The following RIN3 variants were observed in gnomAD, a reference collection of about 807,000 sequenced individuals.
RIN3 encodes the protein RAB5 interacting protein 3.
RIN3 carries 54 observed loss-of-function variants against 76.3 expected under a neutral mutation model. The observed-to-expected ratio is 0.71, with a 90% CI of 0.57 to 0.89. The LOEUF is 0.89. Ranked by LOEUF, RIN3 falls within the 40% of genes least tolerant of loss-of-function variation. RIN3 has a pLI of 0.00. For missense variants in RIN3, 1,256 were observed against 1,322.1 expected, an observed-to-expected ratio of 0.95 and a Z score of 0.78; for synonymous variants, 576 against 564.0, an observed-to-expected ratio of 1.02 and a Z score of -0.30.
At position 92,657,506 on chromosome 14, in the gene RIN3, G is replaced by A. The variant is rs144058759; in HGVS notation, c.2027-1655G>A. On this transcript the variant is annotated intron_variant, in intron 6 of 9. Coordinates refer to ENST00000216487, the MANE Select transcript of RIN3 (RefSeq NM_024832.5). ...CTGAGGGCCCCAGACCAGAGAGGAGGTGCCAGGAAGAGATCCTGCGGCTCT... is the reference window on the plus strand; with the variant it reads ...CTGAGGGCCCCAGACCAGAGAGGAGATGCCAGGAAGAGATCCTGCGGCTCT... 9.7e-3 allele frequency among the ~76,000 whole-genome samples: 1,475 copies of A among 152,312 alleles called. 12 individuals carry two copies. Among genetic ancestry groups the A allele is most frequent in the Non-Finnish European group, 0.016 (1,108 of 68,022 alleles).
At position 92,665,400 on chromosome 14, in the gene RIN3, A is replaced by ACAGAGTCTC. The variant is rs1447874123; in HGVS notation, c.2335+5932_2335+5940dup. On this transcript the variant is annotated intron_variant, in intron 7 of 9. Coordinates refer to ENST00000216487, the MANE Select transcript of RIN3 (RefSeq NM_024832.5). ...TTTTTTTTTTTTTTTTTTTTTTGAGACAGAGTCTCGCTCTATCGCCCAGGC... is the reference window on the plus strand; with the variant it reads ...TTTTTTTTTTTTTTTTTTTTTTGAGACAGAGTCTCCAGAGTCTCGCTCTATCGCCCAGGC... 7.8e-5 allele frequency among the ~76,000 whole-genome samples: 9 copies of ACAGAGTCTC among 115,788 alleles called. No individual in the cohort carries two copies. The South Asian group carries it at 1.3e-3, about 17-fold the overall frequency. The allele number at this position is 115,788 out of a possible 152,430, so 76.0% of individuals were successfully genotyped here.
intron 4 of RIN3, among the ~76,000 whole-genome samples, chr14:92,632,850 G>A (rs1174329279): frequency 6.6e-6 from 1 of 152,262 alleles, no homozygotes; most frequent in Non-Finnish European, 1.5e-5. Context: ...GCTATGGGCA[G>A]CCTCAGGAGT....
chr14:92,671,174 T>C (rs1455275137), intron 7 of RIN3, among the ~76,000 whole-genome samples: 2 of 152,164 alleles, frequency 1.3e-5, no homozygotes, highest in African/African-American at 4.8e-5. Context: ...CCTCCATCCA[T>C]GCCCTCAGCA....
chr14:92,622,023 AG>A (rs1886200471), intron 4 of RIN3, among the ~76,000 whole-genome samples: 1 of 152,206 alleles, frequency 6.6e-6, no homozygotes, highest in South Asian at 2.1e-4. Flanking sequence ...GTACCAAAGG[AG>A]GGCATCACAC....
chr14:92,516,761 G>A (rs575247424), intron 1 of RIN3, among the ~76,000 whole-genome samples: 1 of 152,224 alleles, frequency 6.6e-6, no homozygotes, highest in Admixed American at 6.5e-5. Context: ...CCCCCTTGGT[G>A]CCCCTCTATC....
chr14:92,675,887 G>C (rs770630892), intron 7 of RIN3, among the ~76,000 whole-genome samples: 33 of 152,254 alleles, frequency 2.2e-4, no homozygotes, highest in Non-Finnish European at 4.3e-4. Flanking sequence ...AGGATGCTCT[G>C]AGCCCTGTGA....
intron 7 of RIN3, among the ~76,000 whole-genome samples, chr14:92,667,084 G>A (rs771300634): frequency 2.4e-4 from 36 of 151,970 alleles, no homozygotes; most frequent in Non-Finnish European, 4.4e-4. Flanking sequence ...AGGGGCAGCC[G>A]CAGAGGAATT....
intron 5 of RIN3, among the ~76,000 whole-genome samples, chr14:92,642,971 G>A (rs1887072400): frequency 6.6e-6 from 1 of 152,176 alleles, no homozygotes; most frequent in African/African-American, 2.4e-5. Flanking sequence ...GTTAAGTCAT[G>A]TCCAGTTTCA....
intron 3 of RIN3, among the ~76,000 whole-genome samples, chr14:92,609,818 CAG>C (rs1885657744): frequency 6.6e-6 from 1 of 150,818 alleles, no homozygotes; most frequent in Non-Finnish European, 1.5e-5. Flanking sequence ...CGCAGGAAAA[CAG>C]AATGCAGGAA....
intron 3 of RIN3, among the ~76,000 whole-genome samples, chr14:92,584,491 C>G (rs1415612699): frequency 6.6e-6 from 1 of 152,190 alleles, no homozygotes. Flanking sequence ...CCATTTTGAA[C>G]AAGCATTATG....
intron 1 of RIN3, among the ~76,000 whole-genome samples, chr14:92,544,005 C>T (rs565366910): frequency 9.9e-5 from 15 of 152,202 alleles, no homozygotes; most frequent in South Asian, 4.1e-4. Flanking sequence ...ATGAACTGTT[C>T]GTGAAGCCTC....
intron 2 of RIN3, among the ~76,000 whole-genome samples, chr14:92,563,188 C>T (rs765993473): frequency 1.3e-5 from 2 of 152,100 alleles, no homozygotes; most frequent in Non-Finnish European, 2.9e-5. Flanking sequence ...GGTAAAACCT[C>T]ATATCTGCTA....
intron 4 of RIN3, among the ~76,000 whole-genome samples, chr14:92,630,330 A>G (rs773163865): frequency 1.3e-5 from 2 of 152,150 alleles, no homozygotes; most frequent in African/African-American, 4.8e-5. Context: ...GCACTCTACT[A>G]AAAATGGAAA....
intron 2 of RIN3, among the ~76,000 whole-genome samples, chr14:92,557,576 G>A (rs953832905): frequency 2.0e-5 from 3 of 152,204 alleles, no homozygotes; most frequent in Admixed American, 1.3e-4. Context: ...CCTGAAAATC[G>A]GAATTACTAG....
Position 92,685,839 on chromosome 14 carries a change from T to C in RIN3, c.2631+689T>C, listed in dbSNP as rs12888973. Reference sequence around the variant, plus strand: ...TCAGTTTCTCCAACAGCCCCTCCTCTGAGAAGCCTTCCCTGATACACACAC... The same window carrying C: ...TCAGTTTCTCCAACAGCCCCTCCTCCGAGAAGCCTTCCCTGATACACACAC... On this transcript the variant is annotated intron_variant, in intron 9 of 9. Coordinates refer to ENST00000216487, the MANE Select transcript of RIN3 (RefSeq NM_024832.5). The surrounding 1 kb of genome is among the most constrained non-coding windows in gnomAD (Gnocchi z 4.7). 94,328 of 152,320 alleles carry C rather than the reference T, an allele frequency of 0.62. 29,460 individuals carry two copies. The highest frequency in any genetic ancestry group is 0.78 in the East Asian group (4,050 of 5,168). 9.4% of individuals were successfully genotyped at this position (152,320 alleles called of 1,614,324 possible).
intron 1 of RIN3, among the ~76,000 whole-genome samples, chr14:92,527,234 A>G (rs1384498907): frequency 6.6e-6 from 1 of 151,094 alleles, no homozygotes; most frequent in African/African-American, 2.5e-5. Context: ...TTGTATTTTT[A>G]GTAGAGACGG....
chr14:92,620,532 T>A (rs553639352), intron 4 of RIN3, among the ~76,000 whole-genome samples: 2 of 152,226 alleles, frequency 1.3e-5, no homozygotes, highest in Non-Finnish European at 1.5e-5. Flanking sequence ...GAATGAATGA[T>A]GATTTGCTAG....
chr14:92,638,571 G>A (rs945705148), intron 4 of RIN3, among the ~76,000 whole-genome samples: 15 of 152,160 alleles, frequency 9.9e-5, no homozygotes, highest in African/African-American at 1.9e-4. Flanking sequence ...TGATACACAC[G>A]GCGACGGAGG....
chr14:92,610,183 A>G (rs1485785314), intron 3 of RIN3, among the ~76,000 whole-genome samples: 1 of 152,202 alleles, frequency 6.6e-6, no homozygotes, highest in Admixed American at 6.5e-5. Flanking sequence ...GTTGTGTAGC[A>G]GCGTGAATGT....
Sources: gnomAD v4.1 joint callset for allele counts (sites outside exome capture counted in the v4.1 genomes callset) on GRCh38, gnomAD v4.1.1 for gene constraint, Gnocchi (gnomAD v3.1) non-coding constraint, MANE v1.5 for transcripts, NCBI Gene and HGNC (gene_info 2026-07-23, HGNC 2026-07-21) for gene names.